The following RALGDS variants were observed in gnomAD, a reference collection of about 807,000 sequenced individuals.
RALGDS encodes ral guanine nucleotide dissociation stimulator.
In RALGDS, 44 loss-of-function variants were observed where a neutral mutation model predicts 99.8. The observed-to-expected ratio is 0.44, with a 90% CI of 0.35 to 0.57. RALGDS has a LOEUF of 0.57. Among genes scored for constraint, RALGDS ranks in the 20% least tolerant of loss-of-function variants. RALGDS has a pLI of 0.01. For missense variants in RALGDS, 1,022 were observed against 1,203.1 expected, an observed-to-expected ratio of 0.85 and a Z score of 2.23; for synonymous variants, 529 against 505.0, an observed-to-expected ratio of 1.05 and a Z score of -0.64.
rs1243519414 is a variant in RALGDS, at chr9:133,120,432, C to CCG, written c.183+539_183+540insCG. On this transcript the variant is annotated intron_variant, in intron 1 of 17. Coordinates refer to ENST00000372050, the MANE Select transcript of RALGDS (RefSeq NM_006266.4). ...GCTGCTCCACCCCATCCCCCGACCC[C>CCG]CCCCCCACCCCGCTCTGAGCAGCCC... Among the ~76,000 whole-genome samples the CCG allele has an allele frequency of 5.1e-5, 7 of 136,746 alleles. 1 individual carries two copies. The highest frequency in any genetic ancestry group is 1.9e-4 in the African/African-American group (7 of 37,102). 89.7% of individuals were successfully genotyped at this position (136,746 alleles called of 152,430 possible).
rs765105638 is a variant in RALGDS, at chr9:133,108,032, A to G, written c.1153T>C (p.Phe385Leu). The G allele has an allele frequency of 2.5e-6, 4 of 1,613,486 alleles. No homozygotes were observed. Among genetic ancestry groups the G allele is most frequent in the Non-Finnish European group, 3.4e-6 (4 of 1,180,026 alleles). ...LSEEKPHLLVFPPDLVAEQFT... is the reference protein window; with the variant it reads ...LSEEKPHLLVLPPDLVAEQFT... ...TGCTCTGCCACCAGATCTGGAGGGA[A>G]CACCAAGAGGTGAGGCTTCTCCTCA... The change falls in exon 6 of 18, where the codon TTC (phenylalanine) becomes CTC (leucine). Residue 385 changes from phenylalanine (F) to leucine (L), a missense_variant. Transcript: ENST00000372050.
Position 133,112,006 on chromosome 9 carries a change from G to C in RALGDS, c.294+36C>G, listed in dbSNP as rs1264357406. 4 of 1,467,620 alleles carry C rather than the reference G, an allele frequency of 2.7e-6. No homozygotes were observed. The Admixed American group carries it at 7.8e-5, about 28-fold the overall frequency. 90.9% of individuals were successfully genotyped at this position (1,467,620 alleles called of 1,614,324 possible). The stretch of plus-strand genomic sequence containing the variant: ...GAAAAAGTCCTGGGAGGGATCCCCA[G>C]CTGCGTCTCCCAGTGGAGACCCCGA... On this transcript the variant is annotated intron_variant, in intron 2 of 17. Coordinates refer to ENST00000372050, the MANE Select transcript of RALGDS (RefSeq NM_006266.4).
chr9:133,130,409 C>T (rs771774647), intron 1 of RALGDS, among the ~76,000 whole-genome samples: 13 of 152,160 alleles, frequency 8.5e-5, no homozygotes, highest in Non-Finnish European at 1.8e-4. Flanking sequence ...CCACCGCACC[C>T]GGCCACAAGA....
intron 16 of RALGDS, chr9:133,100,947 G>A: frequency 1.9e-6 from 2 of 1,045,040 alleles, no homozygotes; most frequent in Non-Finnish European, 2.3e-6. Flanking sequence ...ACCCAGGGCT[G>A]GGGTACAGAG....
At chr9:133,145,881 G>A (rs1374652706) in intron 1 of RALGDS, among the ~76,000 whole-genome samples, 1 of 152,142 alleles carries the variant, frequency 6.6e-6, no homozygotes, top group African/African-American at 2.4e-5. Flanking sequence ...GGAAGGATTA[G>A]GAAGGAAAAG....
At chr9:133,119,185 T>C (rs895686951) in intron 1 of RALGDS, among the ~76,000 whole-genome samples, 3 of 152,274 alleles carry the variant, frequency 2.0e-5, no homozygotes, top group South Asian at 2.1e-4. Context: ...AGGCAGAAAC[T>C]GTCTGGTGGT....
chr9:133,131,545 G>A (rs1228509058), upstream of RALGDS, among the ~76,000 whole-genome samples: 1 of 152,034 alleles, frequency 6.6e-6, no homozygotes, highest in Admixed American at 6.5e-5. Context: ...CCCCCAGTCA[G>A]AGCAGCCTTC....
chr9:133,143,624 C>T lies in RALGDS; in HGVS notation c.18+5339G>A, dbSNP rs111664782. Among the ~76,000 whole-genome samples the T allele has an allele frequency of 6.8e-3, 1,037 of 151,740 alleles. 10 individuals carry two copies. The highest frequency in any genetic ancestry group is 0.024 in the African/African-American group (990 of 41,338). On this transcript the variant is annotated intron_variant, in intron 1 of 17. Transcript: ENST00000393160. Reference sequence around the variant, plus strand: ...TCCAAAAATTAGCTGGGAGTGTTGGCGTGCACCTGCCGCCCCAGCTACTCT... The same window carrying T: ...TCCAAAAATTAGCTGGGAGTGTTGGTGTGCACCTGCCGCCCCAGCTACTCT...
chr9:133,120,942 C>T (rs925171607), intron 1 of RALGDS, 30 bp downstream of exon 1: 3 of 1,465,274 alleles, frequency 2.0e-6, no homozygotes, highest in South Asian at 1.3e-5. Context: ...CTCCGACGCA[C>T]CCCCCGCCCG....
At chr9:133,105,712 C>T (rs771817448) in intron 9 of RALGDS, among the ~76,000 whole-genome samples, 4 of 152,154 alleles carry the variant, frequency 2.6e-5, no homozygotes, top group Non-Finnish European at 5.9e-5. Flanking sequence ...GTCCAATTAA[C>T]TGGGGCCCTG....
upstream of RALGDS, chr9:133,131,231 C>T: frequency 1.0e-6 from 1 of 988,156 alleles, no homozygotes; most frequent in Non-Finnish European, 1.3e-6. Flanking sequence ...GGCCTGGGAG[C>T]TCTGCCACCC....
chr9:133,101,319 A>G (rs965206787), intron 16 of RALGDS: 24 of 1,423,454 alleles, frequency 1.7e-5, no homozygotes, highest in Non-Finnish European at 2.2e-5. Flanking sequence ...GGGGCTTTGC[A>G]CGGCTGCTCC....
chr9:133,122,465 C>T (rs1006198493), upstream of RALGDS, among the ~76,000 whole-genome samples: 26 of 152,328 alleles, frequency 1.7e-4, no homozygotes, highest in Admixed American at 7.2e-4. Flanking sequence ...GCACATTCCA[C>T]GAGCACATCT....
At chr9:133,134,743 A>T (rs867930650), upstream of RALGDS, among the ~76,000 whole-genome samples, 1 of 152,122 alleles carries the variant, frequency 6.6e-6, no homozygotes, top group Non-Finnish European at 1.5e-5. Flanking sequence ...GCTGCCTCCA[A>T]CCTGGCGCCT....
rs939206593 is a variant in RALGDS, at chr9:133,102,034, G to A, written c.2115C>T (p.Asp705=). ...AGCCGGCCGAGTGCACGCTGAGCGC[G>A]TCAGCGATGTCCCCGCTGCTGAGGT... ...GPYLSSGDIA[D]ALSVHSAGSS... Residue 705 remains aspartate, a synonymous_variant, in exon 15 of 18, where the codon GAC becomes GAT. Coordinates refer to ENST00000372050, the MANE Select transcript of RALGDS (RefSeq NM_006266.4). The A allele has an allele frequency of 1.5e-5, 23 of 1,556,612 alleles. 1 individual carries two copies. The highest frequency in any genetic ancestry group is 1.2e-4 in the East Asian group (5 of 41,534).
At chr9:133,130,916 G>T in intron 1 of RALGDS, 1 of 1,509,170 alleles carries the variant, frequency 6.6e-7, no homozygotes, top group Non-Finnish European at 8.9e-7. Flanking sequence ...ATGCCAGGGC[G>T]AAGTCAGAGG....
intron 1 of RALGDS, among the ~76,000 whole-genome samples, chr9:133,139,936 G>A (rs1251056796): frequency 6.6e-6 from 1 of 152,146 alleles, no homozygotes; most frequent in South Asian, 2.1e-4. Flanking sequence ...CTGAGGCCAA[G>A]CCAGGGCTCC....
upstream of RALGDS, among the ~76,000 whole-genome samples, chr9:133,132,937 A>G (rs1003412751): frequency 2.6e-5 from 4 of 152,122 alleles, no homozygotes; most frequent in Non-Finnish European, 4.4e-5. Flanking sequence ...GTGCCTGGCC[A>G]GAAGCGCTCA....
chr9:133,146,439 G>A (rs934823430), intron 1 of RALGDS, among the ~76,000 whole-genome samples: 7 of 152,188 alleles, frequency 4.6e-5, no homozygotes, highest in East Asian at 1.9e-4. Context: ...TGATCCACCC[G>A]CCTCGGCCTC....
Sources: gnomAD v4.1 joint callset for allele counts (sites outside exome capture counted in the v4.1 genomes callset) on GRCh38, gnomAD v4.1.1 for gene constraint, MANE v1.5 for transcripts, NCBI Gene and HGNC (gene_info 2026-07-23, HGNC 2026-07-21) for gene names.